The following TNPO1 variants were observed in gnomAD, a reference collection of about 807,000 sequenced individuals.
The protein encoded by TNPO1 is transportin 1.
Under a neutral mutation model 119.5 loss-of-function variants are expected in TNPO1, and 8 were observed. That is an observed-to-expected ratio of 0.07 (90% CI 0.04 to 0.12). The LOEUF (loss-of-function observed/expected upper bound fraction) is 0.12, where lower values mean the gene tolerates loss of function less well. Ranked by LOEUF, TNPO1 falls within the 10% of genes least tolerant of loss-of-function variation. The pLI, the probability that TNPO1 is intolerant of heterozygous loss-of-function variation, is 1.00. For missense variants in TNPO1, 576 were observed against 1,089.8 expected (o/e 0.53, Z 6.64); for synonymous variants, 362 against 363.0 (o/e 1.00, Z 0.03).
chr5:72,878,842 C>CT (rs1748018755), intron 9 of TNPO1: 1 of 437,322 alleles, frequency 2.3e-6, no homozygotes, highest in Admixed American at 2.7e-5. Context: ...CAGAAATCCG[C>CT]TTTTATTTAT....
At chr5:72,861,170 C>T (rs2112309746) in intron 4 of TNPO1, among the ~76,000 whole-genome samples, 1 of 152,216 alleles carries the variant, frequency 6.6e-6, no homozygotes, top group East Asian at 1.9e-4. Flanking sequence ...CTCGGCCTCC[C>T]AAAGTGCTGG....
chr5:72,861,655 C>T (rs185620555), intron 4 of TNPO1, among the ~76,000 whole-genome samples, 153 bp from the exon 5 acceptor site: 2 of 152,306 alleles, frequency 1.3e-5, no homozygotes, highest in African/African-American at 2.4e-5. Context: ...CTGCCCGCCT[C>T]GGCCTCCCAG....
intron 1 of TNPO1, among the ~76,000 whole-genome samples, chr5:72,840,483 GT>G (rs1744860024): frequency 6.6e-6 from 1 of 152,154 alleles, no homozygotes; most frequent in African/African-American, 2.4e-5. Context: ...AATCACACAG[GT>G]TTGGTTTTGA....
chr5:72,855,964 C>T, intron 4 of TNPO1, 41 bp downstream of exon 4: 1 of 1,597,544 alleles, frequency 6.3e-7, no homozygotes, highest in South Asian at 1.1e-5. Flanking sequence ...TTGTTTGTAA[C>T]TGGGTCATTT....
chr5:72,874,780 T>C (rs893022278), intron 7 of TNPO1, among the ~76,000 whole-genome samples: 4 of 152,226 alleles, frequency 2.6e-5, no homozygotes, highest in African/African-American at 7.2e-5. Context: ...GTGGGACACA[T>C]TGGATGTTAC....
At chr5:72,861,982 C>G (rs1355072569) in intron 5 of TNPO1, 68 bp downstream of exon 5, 7 of 1,222,018 alleles carry the variant, frequency 5.7e-6, no homozygotes, top group African/African-American at 3.0e-5. Flanking sequence ...GTATTAGCAG[C>G]TTTTGGGAAA....
intron 4 of TNPO1, 67 bp downstream of exon 4, chr5:72,855,990 T>A: frequency 2.7e-6 from 4 of 1,503,446 alleles, no homozygotes; most frequent in Non-Finnish European, 3.7e-6. Context: ...GATGACAGAT[T>A]ATTTCCTTAG....
intron 9 of TNPO1, among the ~76,000 whole-genome samples, chr5:72,882,221 T>A (rs1444705566): frequency 2.0e-5 from 3 of 152,358 alleles, no homozygotes; most frequent in Non-Finnish European, 4.4e-5. Flanking sequence ...AGAAGGACTT[T>A]GAGCATGAAA....
chr5:72,883,131 C>G lies in TNPO1; in HGVS notation c.1049C>G (p.Ser350Trp). Residue 350 changes from serine to tryptophan, a missense_variant, in exon 11 of 25, where the codon TCG (serine) becomes TGG (tryptophan). Ser to Trp is a radical substitution (Grantham distance 177). Coordinates refer to ENST00000337273, the MANE Select transcript of TNPO1 (RefSeq NM_002270.4). ...EQDIRPRFHR[S>W]RTVAQQHDED... ...GATATACGGCCACGTTTTCACCGAT[C>G]GAGGACGGTGGCTCAGCAGCATGAT... The G allele has an allele frequency of 6.2e-7, 1 of 1,613,952 alleles. No homozygotes were observed. The highest frequency in any genetic ancestry group is 8.5e-7 in the Non-Finnish European group (1 of 1,180,006).
At chr5:72,823,764 G>A (rs1199451194) in intron 1 of TNPO1, among the ~76,000 whole-genome samples, 1 of 151,616 alleles carries the variant, frequency 6.6e-6, no homozygotes, top group African/African-American at 2.4e-5. Flanking sequence ...TTTTGCACTT[G>A]CCCCTATGTA....
intron 6 of TNPO1, among the ~76,000 whole-genome samples, chr5:72,867,156 A>AG (rs1746966871): frequency 7.8e-6 from 1 of 128,790 alleles, no homozygotes; most frequent in Non-Finnish European, 1.7e-5. Flanking sequence ...GAGTGATGGA[A>AG]TAAGACCCTG....
At chr5:72,906,733 T>C (rs1436951339) in intron 24 of TNPO1, among the ~76,000 whole-genome samples, 1 of 152,216 alleles carries the variant, frequency 6.6e-6, no homozygotes, top group Non-Finnish European at 1.5e-5. Flanking sequence ...GGTTTTGTCA[T>C]TGAGTTATGT....
Position 72,911,092 on chromosome 5 carries a change from T to A in TNPO1, c.*2419T>A, listed in dbSNP as rs1750536133. Reference sequence around the variant, plus strand: ...GTGCTTCAAATACTTAGAATTCTAATATGAGAGATAGTTTAATATTCTGGA... The same window carrying A: ...GTGCTTCAAATACTTAGAATTCTAAAATGAGAGATAGTTTAATATTCTGGA... On this transcript the variant is annotated 3_prime_UTR_variant, in exon 25 of 25. Transcript: ENST00000337273. 1 of 152,062 alleles carries A rather than the reference T, an allele frequency of 6.6e-6. No individual in the cohort carries two copies. Among genetic ancestry groups the A allele is most frequent in the Non-Finnish European group, 1.5e-5 (1 of 67,948 alleles). The allele number at this position is 152,062 out of a possible 1,614,324, so 9.4% of individuals were successfully genotyped here.
At position 72,897,091 on chromosome 5, in the gene TNPO1, C is replaced by A; in HGVS notation, c.2278C>A (p.His760Asn). 10 of 1,611,740 alleles carry A rather than the reference C, an allele frequency of 6.2e-6. No homozygotes were observed. The highest frequency in any genetic ancestry group is 7.6e-6 in the Non-Finnish European group (9 of 1,179,250). ...GCAGCCTTATATTCCTATGGTGTTG[C>A]ACCAGCTTGTAGAAATCATTAACAG... Reference protein sequence around the residue: ...EMQPYIPMVLHQLVEIINRPN... With the variant: ...EMQPYIPMVLNQLVEIINRPN... Residue 760 changes from histidine (H) to asparagine (N), a missense_variant, in exon 20 of 25, where the codon CAC becomes AAC. His to Asn is a moderately conservative substitution (Grantham distance 68, BLOSUM62 1). Around this residue, in one of 6 missense-constraint regions of TNPO1, gnomAD observed 162 missense variants for 294.1 expected, o/e 0.55. Coordinates refer to ENST00000337273, the MANE Select transcript of TNPO1 (RefSeq NM_002270.4).
intron 4 of TNPO1, 56 bp downstream of exon 4, chr5:72,855,979 A>G: frequency 6.5e-7 from 1 of 1,549,960 alleles, no homozygotes. Flanking sequence ...TCATTTTTAG[A>G]GATGACAGAT....
At chr5:72,844,517 G>T (rs567665414) in intron 1 of TNPO1, among the ~76,000 whole-genome samples, 1 of 152,344 alleles carries the variant, frequency 6.6e-6, no homozygotes, top group Non-Finnish European at 1.5e-5. Context: ...CTTTGAAGGT[G>T]ATGAACCAGA....
chr5:72,886,888 CAAAAAAAAAA>C, intron 11 of TNPO1, among the ~76,000 whole-genome samples, 172 bp from the exon 12 acceptor site: 1 of 70,376 alleles, frequency 1.4e-5, no homozygotes, highest in Non-Finnish European at 2.7e-5. Context: ...GACTCCATCT[CAAAAAAAAAA>C]AAAAAAAAAA....
chr5:72,848,238 G>A, intron 1 of TNPO1, 147 bp from the exon 2 acceptor site: 8 of 1,260,296 alleles, frequency 6.3e-6, no homozygotes, highest in Non-Finnish European at 8.0e-6. Context: ...CTTCCTTCGG[G>A]GCACCTCAGG....
chr5:72,894,896 T>A (rs1373668250), intron 18 of TNPO1, among the ~76,000 whole-genome samples: 1 of 152,206 alleles, frequency 6.6e-6, no homozygotes, highest in African/African-American at 2.4e-5. Flanking sequence ...AGTTTTTTAG[T>A]TGAAACTTAT....
Sources: gnomAD v4.1 joint callset for allele counts (sites outside exome capture counted in the v4.1 genomes callset) on GRCh38, gnomAD v4.1.1 for gene constraint, gnomAD v4.1.1 regional missense constraint, MANE v1.5 for transcripts, NCBI Gene and HGNC (gene_info 2026-07-23, HGNC 2026-07-21) for gene names.